Variants in MLPH observed in about 807,000 individuals in gnomAD.
The protein encoded by MLPH is exophilin-3.
A neutral mutation model predicts 72.1 loss-of-function variants in MLPH; 51 were observed. The observed-to-expected ratio is 0.71, with a 90% CI of 0.56 to 0.89. MLPH has a LOEUF of 0.89. Ranked by LOEUF, MLPH falls within the 40% of genes least tolerant of loss-of-function variation. MLPH has a pLI of 0.00. For synonymous variants in MLPH, 301 were observed against 310.1 expected (o/e 0.97, Z 0.31); for missense variants, 743 against 759.9 (o/e 0.98, Z 0.26).
In MLPH at chr2:237,500,611, G is replaced by A. The variant is rs368824932; in HGVS notation, c.110+7075G>A. On this transcript the variant is annotated intron_variant, in intron 2 of 15. Coordinates refer to ENST00000264605, the MANE Select transcript of MLPH (RefSeq NM_024101.7). Reference sequence around the variant, plus strand: ...GACTTTTGTAGGCAAAGGCTTGCACGACACTGCGGCCAAAGTGTTCCACTG... The same window carrying A: ...GACTTTTGTAGGCAAAGGCTTGCACAACACTGCGGCCAAAGTGTTCCACTG... 4.6e-4 allele frequency among the ~76,000 whole-genome samples: 70 copies of A among 152,220 alleles called. 1 individual carries two copies. In the South Asian group the frequency reaches 0.013, roughly 29 times the overall value.
At chr2:237,549,883 T>C (rs2080998202) in intron 14 of MLPH, among the ~76,000 whole-genome samples, 1 of 152,128 alleles carries the variant, frequency 6.6e-6, no homozygotes, top group Admixed American at 6.6e-5. Context: ...ACACACACCA[T>C]TGTTCAAACT....
chr2:237,505,370 G>A lies in MLPH; in HGVS notation c.111-5204G>A, dbSNP rs116237593. On this transcript the variant is annotated intron_variant, in intron 2 of 15. Coordinates refer to ENST00000264605, the MANE Select transcript of MLPH (RefSeq NM_024101.7). This position sits in a 1 kb window ranked among gnomAD's most constrained non-coding sequence, Gnocchi z 4.5. Reference sequence around the variant, plus strand: ...GCCAGTCCCCTGGCTGCTCCTCATCGCATGCAGTCCTGCTGGAGCATGGTT... The same window carrying A: ...GCCAGTCCCCTGGCTGCTCCTCATCACATGCAGTCCTGCTGGAGCATGGTT... 0.018 allele frequency among the ~76,000 whole-genome samples: 2,755 copies of A among 152,220 alleles called. 88 individuals are homozygous for A. The highest frequency in any genetic ancestry group is 0.063 in the African/African-American group (2,603 of 41,516).
rs762234361 is a variant in MLPH at position 237,552,403 on chromosome 2, A to G, written c.1742A>G (p.Asn581Ser). The change falls in exon 15 of 16, where the codon AAC becomes AGC. Residue 581 changes from asparagine to serine, a missense_variant. Transcript: ENST00000264605. Reference sequence around the variant, plus strand: ...GGCTCGCTGACACAGAGAAACCCCAACGCGAGGAAAGGAATGGCCAGCCAC... The same window carrying G: ...GGCTCGCTGACACAGAGAAACCCCAGCGCGAGGAAAGGAATGGCCAGCCAC... ...YRGSLTQRNP[N>S]ARKGMASHTF... 5 of 1,614,014 alleles carry G rather than the reference A, an allele frequency of 3.1e-6. No individual in the cohort carries two copies. The highest frequency in any genetic ancestry group is 2.2e-5 in the East Asian group (1 of 44,872).
intron 9 of MLPH, among the ~76,000 whole-genome samples, chr2:237,539,306 C>T (rs1158259235): frequency 6.6e-6 from 1 of 152,246 alleles, no homozygotes; most frequent in Non-Finnish European, 1.5e-5. Context: ...CAAGGCAGAC[C>T]GATCCCGGGG....
chr2:237,494,536 T>C (rs945010454), intron 2 of MLPH, among the ~76,000 whole-genome samples: 11 of 151,978 alleles, frequency 7.2e-5, no homozygotes, highest in Non-Finnish European at 1.5e-4. Context: ...AGCGGTGGGC[T>C]CTGTGAAGTG....
chr2:237,500,803 G>A (rs574955627), intron 2 of MLPH, among the ~76,000 whole-genome samples: 1 of 151,928 alleles, frequency 6.6e-6, no homozygotes, highest in Admixed American at 6.6e-5. Flanking sequence ...AGCCAGTCCC[G>A]TGGCTCAACC....
upstream of MLPH, chr2:237,487,169 T>C (rs2079331308): frequency 6.6e-6 from 1 of 152,220 alleles, no homozygotes; most frequent in Admixed American, 6.5e-5. Flanking sequence ...TGGCAGGGCA[T>C]CCAGAGGTGT....
intron 13 of MLPH, among the ~76,000 whole-genome samples, chr2:237,547,277 C>T (rs1028583841): frequency 4.6e-5 from 7 of 152,222 alleles, no homozygotes; most frequent in African/African-American, 1.7e-4. Context: ...GGGGTGTGAG[C>T]GGGACCCACA....
At chr2:237,534,776 G>A (rs2106361912) in intron 9 of MLPH, 129 bp downstream of exon 9, 2 of 789,014 alleles carry the variant, frequency 2.5e-6, no homozygotes, top group Middle Eastern at 2.5e-4. Flanking sequence ...TAAGTTCTGT[G>A]TGTAGTTCTC....
chr2:237,503,152 AT>A (rs34913227), intron 2 of MLPH, among the ~76,000 whole-genome samples: 2 of 152,028 alleles, frequency 1.3e-5, no homozygotes, highest in African/African-American at 2.4e-5. Context: ...ATAAAAATCC[AT>A]TTTTTTGATC....
chr2:237,493,340 T>C (rs2079466442), intron 1 of MLPH, 63 bp from the exon 2 acceptor site: 2 of 1,035,798 alleles, frequency 1.9e-6, no homozygotes, highest in Admixed American at 3.4e-5. Flanking sequence ...TCTCTTACTC[T>C]GTGACTTGAT....
chr2:237,516,352 G>A (rs1464260173), intron 4 of MLPH, among the ~76,000 whole-genome samples: 1 of 152,182 alleles, frequency 6.6e-6, no homozygotes, highest in Non-Finnish European at 1.5e-5. Flanking sequence ...GGGAGGCCAG[G>A]CCCAGGAGGT....
intron 7 of MLPH, among the ~76,000 whole-genome samples, chr2:237,526,415 A>T (rs1034222504): frequency 6.6e-6 from 1 of 151,954 alleles, no homozygotes; most frequent in Non-Finnish European, 1.5e-5. Flanking sequence ...CGTGCGGGAA[A>T]GCTGTCTACT....
At chr2:237,504,424 G>T (rs1274429101) in intron 2 of MLPH, among the ~76,000 whole-genome samples, 3 of 152,088 alleles carry the variant, frequency 2.0e-5, no homozygotes, top group Admixed American at 6.5e-5. Context: ...CACCATGTTG[G>T]CCAGGCTGGT....
rs74322818 is a variant in MLPH, at chr2:237,510,947, C to T, written c.333-42C>T. 6.6e-3 allele frequency: 10,359 copies of T among 1,565,372 alleles called. 269 individuals carry two copies. Among genetic ancestry groups the T allele is most frequent in the South Asian group, 0.053 (4,765 of 89,892 alleles). On this transcript the variant is annotated intron_variant, in intron 3 of 15. Transcript: ENST00000264605. This position sits in a 1 kb window ranked among gnomAD's most constrained non-coding sequence, Gnocchi z 4.4. ...TGTGAGATTTATGCAGGCCTGTGTA[C>T]AGCACTCAGGCAGTGCCATGAGCCT... is the stretch of plus-strand genomic sequence containing the variant.
In MLPH at chr2:237,546,857, C is replaced by T. The variant is rs183556917; in HGVS notation, c.1617+174C>T. On this transcript the variant is annotated intron_variant, in intron 13 of 15. Coordinates refer to ENST00000264605, the MANE Select transcript of MLPH (RefSeq NM_024101.7). ...CGTGGCAACTCTTGTGAGTTGGCTT[C>T]CTCCGTGGCACACACCTGAGCTGGA... is the stretch of plus-strand genomic sequence containing the variant. Among the ~76,000 whole-genome samples the T allele has an allele frequency of 4.7e-3, 713 of 152,314 alleles. 3 individuals are homozygous for T. Among genetic ancestry groups the T allele is most frequent in the Non-Finnish European group, 5.7e-3 (389 of 68,038 alleles).
intron 4 of MLPH, among the ~76,000 whole-genome samples, chr2:237,513,560 G>GT (rs966434486): frequency 1.6e-4 from 25 of 152,050 alleles, no homozygotes; most frequent in African/African-American, 6.0e-4. Context: ...AATTTTTTTG[G>GT]TTTTTTTCTT....
At chr2:237,511,887 G>A (rs1042660574) in intron 4 of MLPH, among the ~76,000 whole-genome samples, 7 of 152,194 alleles carry the variant, frequency 4.6e-5, no homozygotes, top group Admixed American at 2.0e-4. Flanking sequence ...ATGCCGGGGG[G>A]TCTTTTGCAT....
chr2:237,517,037 A>ATGGC (rs2080049427), intron 4 of MLPH, among the ~76,000 whole-genome samples: 1 of 102,174 alleles, frequency 9.8e-6, no homozygotes, highest in African/African-American at 4.8e-5. Flanking sequence ...GGATGGATGG[A>ATGGC]TGGATAGGTA....
Sources: gnomAD v4.1 joint callset for allele counts (sites outside exome capture counted in the v4.1 genomes callset) on GRCh38, gnomAD v4.1.1 for gene constraint, Gnocchi (gnomAD v3.1) non-coding constraint, MANE v1.5 for transcripts, NCBI Gene and HGNC (gene_info 2026-07-23, HGNC 2026-07-21) for gene names.